Variants in AHCY observed in about 807,000 individuals in gnomAD.
The protein encoded by AHCY is adenosylhomocysteinase, also known as S-adenosyl-L-homocysteine hydrolase.
AHCY carries 24 observed loss-of-function variants against 45.4 expected under a neutral mutation model. That is an observed-to-expected ratio of 0.53 (90% CI 0.38 to 0.74). The LOEUF is 0.74. Ranked by LOEUF, AHCY falls within the 30% of genes least tolerant of loss-of-function variation. The pLI is 0.00. For missense variants in AHCY, 449 were observed against 594.1 expected, an observed-to-expected ratio of 0.76 and a Z score of 2.54; for synonymous variants, 245 against 235.1, an observed-to-expected ratio of 1.04 and a Z score of -0.39.
chr20:34,272,617 T>G, the AHCY span, among the ~76,000 whole-genome samples: 1 of 152,160 alleles, frequency 6.6e-6, no homozygotes, highest in Non-Finnish European at 1.5e-5. Flanking sequence ...CCAGGTGCAG[T>G]AGCTCACACC....
chr20:34,302,851 C>T (rs961107945), intron 1 of AHCY: 2 of 985,316 alleles, frequency 2.0e-6, no homozygotes, highest in African/African-American at 1.7e-5. Context: ...GGTGGACGCT[C>T]GTCGGGGCCG....
the AHCY span, among the ~76,000 whole-genome samples, chr20:34,267,955 T>TTG: frequency 6.6e-6 from 1 of 152,220 alleles, no homozygotes; most frequent in Non-Finnish European, 1.5e-5. Flanking sequence ...AATTTATTTT[T>TTG]GTTGTGCTAA....
chr20:34,307,652 G>T (rs903435838), upstream of AHCY, among the ~76,000 whole-genome samples: 2 of 152,184 alleles, frequency 1.3e-5, no homozygotes, highest in African/African-American at 4.8e-5. Flanking sequence ...GATTACAGGC[G>T]TGAGCCACCG....
At chr20:34,287,295 G>T (rs2036218737) in intron 8 of AHCY, among the ~76,000 whole-genome samples, 2 of 152,114 alleles carry the variant, frequency 1.3e-5, no homozygotes, top group East Asian at 3.8e-4. Flanking sequence ...AGCCAGTGAT[G>T]GATGCTGCAC....
At chr20:34,292,814 G>GC (rs1423010009) in intron 3 of AHCY, among the ~76,000 whole-genome samples, 10 of 152,144 alleles carry the variant, frequency 6.6e-5, no homozygotes, top group Non-Finnish European at 1.2e-4. Context: ...GCCATGTACA[G>GC]CCCCCCGCCC....
At chr20:34,262,628 C>T in the AHCY span, among the ~76,000 whole-genome samples, 2 of 152,088 alleles carry the variant, frequency 1.3e-5, no homozygotes, top group Non-Finnish European at 2.9e-5. Context: ...TCAGAGGACA[C>T]GTTGCTATCA....
At chr20:34,244,953 A>T in the AHCY span, among the ~76,000 whole-genome samples, 1 of 152,206 alleles carries the variant, frequency 6.6e-6, no homozygotes, top group African/African-American at 2.4e-5. Context: ...AATTATTTTT[A>T]AAAATCACTC....
chr20:34,291,171 C>G (rs1014923971), intron 5 of AHCY, among the ~76,000 whole-genome samples: 1 of 152,236 alleles, frequency 6.6e-6, no homozygotes, highest in African/African-American at 2.4e-5. Flanking sequence ...GCATCAGTTA[C>G]TAGGAGAGAT....
At chr20:34,308,621 G>T (rs929318200) in intron 1 of AHCY, among the ~76,000 whole-genome samples, 1 of 151,740 alleles carries the variant, frequency 6.6e-6, no homozygotes, top group Non-Finnish European at 1.5e-5. Context: ...ATCAAGACTA[G>T]GAACCAAATT....
chr20:34,309,452 A>C (rs535612590), intron 1 of AHCY, among the ~76,000 whole-genome samples: 1 of 152,300 alleles, frequency 6.6e-6, no homozygotes, highest in African/African-American at 2.4e-5. Context: ...GCTGGAGCCC[A>C]GGAATTCAAG....
the AHCY span, chr20:34,235,142 T>A: frequency 2.6e-5 from 4 of 152,396 alleles, no homozygotes; most frequent in Admixed American, 2.0e-4. Context: ...TGACCGAAGC[T>A]GTTAAATAAT....
the AHCY span, among the ~76,000 whole-genome samples, chr20:34,271,565 CTT>C: frequency 4.9e-5 from 6 of 123,392 alleles, no homozygotes; most frequent in Admixed American, 1.8e-4. Context: ...TTGAACAAGC[CTT>C]TTTTTTTTTT....
the AHCY span, among the ~76,000 whole-genome samples, chr20:34,265,650 A>C: frequency 6.6e-6 from 1 of 152,040 alleles, no homozygotes; most frequent in Non-Finnish European, 1.5e-5. Context: ...GAAGGTAACT[A>C]TAAAAATAAG....
At chr20:34,270,184 G>A in the AHCY span, among the ~76,000 whole-genome samples, 2 of 151,488 alleles carry the variant, frequency 1.3e-5, no homozygotes, top group African/African-American at 4.9e-5. Flanking sequence ...CCCTGGAGTT[G>A]GAGGCTGCAG....
At chr20:34,280,079 G>A (rs2035954716), downstream of AHCY, among the ~76,000 whole-genome samples, 2 of 151,950 alleles carry the variant, frequency 1.3e-5, no homozygotes, top group South Asian at 4.2e-4. Flanking sequence ...GTGACGGAGC[G>A]AGACTCTGTC....
intron 3 of AHCY, 116 bp from the exon 4 acceptor site, chr20:34,292,623 G>A (rs1047284384): frequency 9.6e-6 from 14 of 1,465,718 alleles, no homozygotes; most frequent in South Asian, 2.3e-5. Context: ...AGCCACCTCC[G>A]GCCCCTCTGA....
upstream of AHCY, among the ~76,000 whole-genome samples, chr20:34,306,216 G>A (rs887401273): frequency 7.2e-5 from 11 of 151,996 alleles, no homozygotes; most frequent in Admixed American, 3.3e-4. Context: ...TATTTGTACC[G>A]TTAAGTTCAT....
chr20:34,302,526 C>T (rs2036812287), intron 1 of AHCY: 1 of 820,800 alleles, frequency 1.2e-6, no homozygotes, highest in Non-Finnish European at 1.5e-6. Context: ...AGAACAGTTT[C>T]CCTATAGAGC....
chr20:34,232,843 C>T, the AHCY span, among the ~76,000 whole-genome samples: 1 of 152,152 alleles, frequency 6.6e-6, no homozygotes, highest in Non-Finnish European at 1.5e-5. Flanking sequence ...TTTGACAAAC[C>T]CAGCAGCAGA....
Sources: gnomAD v4.1 joint callset for allele counts (sites outside exome capture counted in the v4.1 genomes callset) on GRCh38, gnomAD v4.1.1 for gene constraint, MANE v1.5 for transcripts, NCBI Gene and HGNC (gene_info 2026-07-23, HGNC 2026-07-21) for gene names.